The following CACNA1I variants were observed in gnomAD, a reference collection of about 807,000 sequenced individuals.
CACNA1I encodes calcium voltage-gated channel subunit alpha1 I.
A neutral mutation model predicts 201.6 loss-of-function variants in CACNA1I; 74 were observed. The ratio of observed to expected loss-of-function variants is 0.37; its 90% CI spans 0.30 to 0.45. CACNA1I has a LOEUF of 0.45. Among genes scored for constraint, CACNA1I ranks in the 20% least tolerant of loss-of-function variants. The pLI is 1.00. For missense variants in CACNA1I, 2,346 were observed against 3,138.1 expected, an observed-to-expected ratio of 0.75 and a Z score of 6.03; for synonymous variants, 1,431 against 1,345.2, an observed-to-expected ratio of 1.06 and a Z score of -1.40.
rs372744428 is a variant in CACNA1I, at chr22:39,647,819, C to T, written c.1463-3C>T. ...AGATAGTAATATTATCTCCACTTTT[C>T]AGATGGGAAGACTAAGGGTCAGGGA... On this transcript the variant is annotated splice_polypyrimidine_tract_variant and splice_region_variant and intron_variant, in intron 8 of 36. Transcript: ENST00000402142. 215 of 1,584,864 alleles carry T rather than the reference C, an allele frequency of 1.4e-4. No individual in the cohort carries two copies. The highest frequency in any genetic ancestry group is 1.7e-4 in the Non-Finnish European group (200 of 1,153,758).
At chr22:39,604,312 G>A (rs1028862812) in intron 3 of CACNA1I, among the ~76,000 whole-genome samples, 28 of 152,128 alleles carry the variant, frequency 1.8e-4, no homozygotes, top group Non-Finnish European at 3.8e-4. Flanking sequence ...CAGCATTGTG[G>A]TGAGCTCTCA....
rs1377442013 is a variant in CACNA1I, at chr22:39,685,320, TGGGAGGTGGGGGGCCCACGGGGCC to T, written c.6028-428_6028-405del. On this transcript the variant is annotated intron_variant, in intron 36 of 36. Transcript: ENST00000402142. The surrounding 1 kb of genome is among the most constrained non-coding windows in gnomAD (Gnocchi z 5.0). ...GTTGGGAGGTGGGGGGCTCTGGGGC[TGGGAGGTGGGGGGCCCACGGGGCC>T]GGGAGGTGGGGGCCAGGGGCCGGAG... 0.026 allele frequency: 186 copies of T among 7,292 alleles called. 1 individual carries two copies. Among genetic ancestry groups the T allele is most frequent in the African/African-American group, 0.12 (182 of 1,470 alleles). The allele number at this position is 7,292 out of a possible 1,614,324, so 0.5% of individuals were successfully genotyped here.
At chr22:39,574,223 C>A (rs1355312412) in intron 1 of CACNA1I, among the ~76,000 whole-genome samples, 1 of 152,206 alleles carries the variant, frequency 6.6e-6, no homozygotes, top group African/African-American at 2.4e-5. Flanking sequence ...CTGCAAAATT[C>A]TGTGTTTCAA....
At chr22:39,593,152 C>A (rs943493262) in intron 1 of CACNA1I, among the ~76,000 whole-genome samples, 1 of 152,164 alleles carries the variant, frequency 6.6e-6, no homozygotes, top group Admixed American at 6.5e-5. Flanking sequence ...GTGCAGTGGG[C>A]GAGTTAGATG....
At chr22:39,671,773 A>C (rs1193630226) in intron 26 of CACNA1I, among the ~76,000 whole-genome samples, 1 of 152,246 alleles carries the variant, frequency 6.6e-6, no homozygotes, top group Non-Finnish European at 1.5e-5. Flanking sequence ...ATGGAATATT[A>C]ATAGCTTACA....
At chr22:39,624,213 G>A (rs1245313503) in intron 4 of CACNA1I, among the ~76,000 whole-genome samples, 1 of 151,958 alleles carries the variant, frequency 6.6e-6, no homozygotes. Context: ...CGTGTGTGTG[G>A]GCGCCTGTGC....
chr22:39,595,640 AT>A (rs902459387), intron 1 of CACNA1I, among the ~76,000 whole-genome samples: 2 of 143,820 alleles, frequency 1.4e-5, no homozygotes, highest in African/African-American at 5.2e-5. Flanking sequence ...AAAAAAAAAA[AT>A]TAGAATCACG....
In CACNA1I at chr22:39,665,675, G is replaced by A; in HGVS notation, c.3978+51G>A. The A allele has an allele frequency of 6.3e-7, 1 of 1,598,756 alleles. No homozygotes were observed. The highest frequency in any genetic ancestry group is 1.1e-5 in the South Asian group (1 of 90,086). The stretch of plus-strand genomic sequence containing the variant: ...GACTGGGCTCTGTGACTGGGGAAAA[G>A]GAAGTCTCAGACAGCCAGGGGAGAG... On this transcript the variant is annotated intron_variant, in intron 22 of 36. Coordinates refer to ENST00000402142, the MANE Select transcript of CACNA1I (RefSeq NM_021096.4). This position sits in a 1 kb window ranked among gnomAD's most constrained non-coding sequence, Gnocchi z 5.5.
At chr22:39,627,081 A>T (rs1339896117) in intron 4 of CACNA1I, among the ~76,000 whole-genome samples, 1 of 152,202 alleles carries the variant, frequency 6.6e-6, no homozygotes, top group Non-Finnish European at 1.5e-5. Flanking sequence ...ACTCTGTGTC[A>T]GTATCTCCTT....
At position 39,673,020 on chromosome 22, in the gene CACNA1I, A is replaced by G. The variant is rs781705557; in HGVS notation, c.4721A>G (p.Asn1574Ser). The change falls in exon 28 of 37, where the codon AAT becomes AGT. Residue 1574 changes from asparagine (N) to serine (S), a missense_variant. Physicochemically the swap from Asn to Ser is conservative, Grantham distance 46. Transcript: ENST00000402142. The stretch of plus-strand genomic sequence containing the variant: ...ATCACCCTGGAGGAGATCGAGATCA[A>G]TGCGGCCCTGCCCATCAATCCCACC... ...MGITLEEIEI[N>S]AALPINPTII... is the part of the protein sequence containing the mutation. The G allele has an allele frequency of 2.1e-5, 34 of 1,613,840 alleles. No homozygotes were observed. The highest frequency in any genetic ancestry group is 2.5e-5 in the Non-Finnish European group (30 of 1,179,812).
chr22:39,605,857 G>A (rs1020135822), intron 3 of CACNA1I, among the ~76,000 whole-genome samples: 2 of 152,118 alleles, frequency 1.3e-5, no homozygotes, highest in African/African-American at 2.4e-5. Context: ...GGAAGGGAAA[G>A]GTGAGTGACA....
rs1215313961 is a variant in CACNA1I at position 39,632,701 on chromosome 22, G to T, written c.581-1864G>T. On this transcript the variant is annotated intron_variant, in intron 4 of 36. Coordinates refer to ENST00000402142, the MANE Select transcript of CACNA1I (RefSeq NM_021096.4). ...TACTATGTGTTTCATGAATGAATGA[G>T]TGAGTGAATGAATGAATGAATGAAT... 3.3e-5 allele frequency among the ~76,000 whole-genome samples: 5 copies of T among 152,260 alleles called. No individual in the cohort carries two copies. In the South Asian group the frequency reaches 1.0e-3, roughly 31 times the overall value.
chr22:39,614,313 C>T (rs537256729), intron 3 of CACNA1I, among the ~76,000 whole-genome samples: 2 of 152,272 alleles, frequency 1.3e-5, no homozygotes, highest in South Asian at 2.1e-4. Flanking sequence ...GACAGAAACA[C>T]AGTACAAGCA....
chr22:39,571,128 A>G, intron 1 of CACNA1I, 140 bp downstream of exon 1: 1 of 720,544 alleles, frequency 1.4e-6, no homozygotes, highest in Non-Finnish European at 2.4e-6. Context: ...GGTGGTGGTG[A>G]GCGAGCTCAG....
chr22:39,686,381 C>A lies in CACNA1I; in HGVS notation c.6648C>A (p.Asp2216Glu), dbSNP rs1221178929. The A allele has an allele frequency of 1.5e-6, 2 of 1,296,320 alleles. No homozygotes were observed. The highest frequency in any genetic ancestry group is 9.8e-7 in the Non-Finnish European group (1 of 1,019,330). The allele number at this position is 1,296,320 out of a possible 1,614,324, so 80.3% of individuals were successfully genotyped here. Residue 2216 changes from aspartate (D) to glutamate (E), a missense_variant, in exon 37 of 37, where the codon GAC becomes GAA. By Grantham distance (45) the Asp-to-Glu change is conservative. Coordinates refer to ENST00000402142, the MANE Select transcript of CACNA1I (RefSeq NM_021096.4). ...TCCCCGGAGAGCTGGAGCCGGGAGA[C>A]GCCGCCAGCAAGAGGAAGAGATGAG... ...QPLPGELEPG[D>E]AASKRKR is the part of the protein sequence containing the mutation.
At chr22:39,641,204 G>A (rs369766188) in intron 6 of CACNA1I, 22 bp downstream of exon 6, 45 of 1,598,442 alleles carry the variant, frequency 2.8e-5, no homozygotes, top group Non-Finnish European at 3.5e-5. Context: ...CAGGCCTGGG[G>A]CCAGCCTGGT....
At chr22:39,578,687 C>T (rs1932444667) in intron 1 of CACNA1I, among the ~76,000 whole-genome samples, 1 of 152,218 alleles carries the variant, frequency 6.6e-6, no homozygotes, top group South Asian at 2.1e-4. Context: ...CCACTGCTCC[C>T]TGCCTCCCTT....
intron 2 of CACNA1I, among the ~76,000 whole-genome samples, chr22:39,599,350 T>G (rs547505552): frequency 7.0e-6 from 1 of 142,870 alleles, no homozygotes; most frequent in African/African-American, 2.6e-5. Flanking sequence ...CCGGGCGCGG[T>G]GGCTCATGCC....
chr22:39,601,705 A>G (rs713767), intron 3 of CACNA1I, among the ~76,000 whole-genome samples: 2,115 of 151,908 alleles, frequency 0.014, 21 homozygotes, highest in Non-Finnish European at 0.022. Flanking sequence ...TCAGGGTGTG[A>G]GAATCCCATC....
Sources: gnomAD v4.1 joint callset for allele counts (sites outside exome capture counted in the v4.1 genomes callset) on GRCh38, gnomAD v4.1.1 for gene constraint, Gnocchi (gnomAD v3.1) non-coding constraint, MANE v1.5 for transcripts, NCBI Gene and HGNC (gene_info 2026-07-23, HGNC 2026-07-21) for gene names.